Variants in CRADD observed in about 807,000 individuals in gnomAD.
The protein encoded by CRADD is CARD and death domain containing adaptor protein.
A neutral mutation model predicts 15.5 loss-of-function variants in CRADD; 9 were observed. The ratio of observed to expected loss-of-function variants is 0.58; its 90% confidence interval spans 0.35 to 1.01. CRADD has a LOEUF of 1.01. CRADD is among the 50% of genes least tolerant of loss of function. The probability of loss-of-function intolerance (pLI) is 0.02; values close to 1 mark genes in which losing one functional copy is unlikely to be tolerated. For missense variants in CRADD, 227 were observed against 250.3 expected (o/e 0.91, Z 0.63); for synonymous variants, 118 against 107.6 (o/e 1.10, Z -0.60).
At chr12:93,868,686 GCACACACA>G (rs570970896) in intron 2 of CRADD, among the ~76,000 whole-genome samples, 1 of 142,828 alleles carries the variant, frequency 7.0e-6, no homozygotes, top group Non-Finnish European at 1.6e-5. Context: ...TCTCTCTCTT[GCACACACA>G]CACACACACA....
chr12:93,818,383 C>T (rs1266765109), intron 2 of CRADD, among the ~76,000 whole-genome samples: 1 of 152,196 alleles, frequency 6.6e-6, no homozygotes, highest in African/African-American at 2.4e-5. Flanking sequence ...CTCCCTAGCC[C>T]CTTCCCAGGG....
chr12:93,817,353 C>T (rs987235460), intron 2 of CRADD, among the ~76,000 whole-genome samples: 2 of 152,250 alleles, frequency 1.3e-5, no homozygotes, highest in East Asian at 1.9e-4. Context: ...GGACAGGGAA[C>T]GTGGAGCTTA....
chr12:93,783,605 A>G (rs1203825921), intron 2 of CRADD, among the ~76,000 whole-genome samples: 1 of 152,160 alleles, frequency 6.6e-6, no homozygotes, highest in Admixed American at 6.5e-5. Context: ...AACTTTCTTC[A>G]TATTCAGAAA....
Position 93,820,480 on chromosome 12 carries a change from C to T in CRADD, c.299-29490C>T, listed in dbSNP as rs548257924. Among the ~76,000 whole-genome samples, 26 of 150,672 alleles carry T rather than the reference C, an allele frequency of 1.7e-4. No homozygotes were observed. The East Asian group carries it at 3.9e-3, about 23-fold the overall frequency. ...AGGAGAATGGCGTGAACTCAGAAGG[C>T]GGAGCTTGCAGTGAGCCGAGATCAT... On this transcript the variant is annotated intron_variant, in intron 2 of 2. Coordinates refer to ENST00000332896, the MANE Select transcript of CRADD (RefSeq NM_003805.5).
At chr12:93,787,128 A>ATTTTTTTTTTTTTTTTTTTTTTT (rs11315592) in intron 2 of CRADD, among the ~76,000 whole-genome samples, 7 of 107,734 alleles carry the variant, frequency 6.5e-5, no homozygotes, top group Non-Finnish European at 9.0e-5. Flanking sequence ...TCTGCTGAAG[A>ATTTTTTTTTTTTTTTTTTTTTTT]TTTTTTTTTT....
At chr12:93,838,517 C>A (rs1281133331) in intron 2 of CRADD, among the ~76,000 whole-genome samples, 1 of 150,460 alleles carries the variant, frequency 6.6e-6, no homozygotes, top group Non-Finnish European at 1.5e-5. Context: ...CTCACTCTCT[C>A]CCTCCCTCCT....
rs111954511 is a variant in CRADD, at chr12:93,877,965, C to T, written c.299-16085C>T. ...ACAACTGGTAATGTCCTGAGTCTCA[C>T]CTGAAGCCAGCCAGTCTCAGAGGCC... On this transcript the variant is annotated intron_variant, in intron 2 of 2. Coordinates refer to the CRADD transcript ENST00000548483. 1.2e-4 allele frequency among the ~76,000 whole-genome samples: 19 copies of T among 152,272 alleles called. 2 individuals are homozygous for T. Among genetic ancestry groups the T allele is most frequent in the African/African-American group, 4.6e-4 (19 of 41,552 alleles).
intron 2 of CRADD, among the ~76,000 whole-genome samples, chr12:93,892,546 G>A (rs1310699137): frequency 6.6e-6 from 1 of 151,800 alleles, no homozygotes; most frequent in Non-Finnish European, 1.5e-5. Context: ...TGTTTGGTTC[G>A]GAGTGTCACT....
chr12:93,877,454 G>A (rs1022906104), intron 2 of CRADD, among the ~76,000 whole-genome samples: 1 of 152,244 alleles, frequency 6.6e-6, no homozygotes, highest in Non-Finnish European at 1.5e-5. Context: ...GTCCAGAGGT[G>A]CTGTACAGGA....
At chr12:93,794,571 T>C (rs1957392258) in intron 2 of CRADD, among the ~76,000 whole-genome samples, 1 of 152,108 alleles carries the variant, frequency 6.6e-6, no homozygotes, top group South Asian at 2.1e-4. Flanking sequence ...TTTCCTCTCC[T>C]CTCCTGCTAC....
At chr12:93,811,739 C>T (rs186189703) in intron 2 of CRADD, among the ~76,000 whole-genome samples, 1 of 152,306 alleles carries the variant, frequency 6.6e-6, no homozygotes, top group Admixed American at 6.5e-5. Context: ...GTTTCTTATA[C>T]AACTAAACAT....
chr12:93,732,220 A>G (rs1956479465), intron 2 of CRADD, among the ~76,000 whole-genome samples: 1 of 152,158 alleles, frequency 6.6e-6, no homozygotes, highest in South Asian at 2.1e-4. Flanking sequence ...GACTTTGAAC[A>G]TTATCCTGAC....
At chr12:93,740,798 A>G (rs145727926) in intron 2 of CRADD, among the ~76,000 whole-genome samples, 1 of 152,322 alleles carries the variant, frequency 6.6e-6, no homozygotes, top group African/African-American at 2.4e-5. Flanking sequence ...ATAGAAATAA[A>G]ATGTCTATTT....
rs557582711 is a variant in CRADD at position 93,861,701 on chromosome 12, T to A, written c.299-32349T>A. Among the ~76,000 whole-genome samples the A allele has an allele frequency of 2.5e-3, 384 of 152,328 alleles. 2 individuals carry two copies. The highest frequency in any genetic ancestry group is 0.019 in the South Asian group (93 of 4,822). On this transcript the variant is annotated intron_variant, in intron 2 of 2. Coordinates refer to the CRADD transcript ENST00000548483. ...CTTCTTCCTTTCCACAGGCATTGAT[T>A]CCAAGAGTACCCCCTAATAAACTCC...
At chr12:93,876,345 G>T (rs752000945) in intron 2 of CRADD, among the ~76,000 whole-genome samples, 1 of 152,052 alleles carries the variant, frequency 6.6e-6, no homozygotes, top group Non-Finnish European at 1.5e-5. Context: ...TCTTGTACTT[G>T]AATGTTGATA....
At chr12:93,726,093 AG>A (rs1956359127) in intron 2 of CRADD, among the ~76,000 whole-genome samples, 1 of 97,726 alleles carries the variant, frequency 1.0e-5, no homozygotes, top group Non-Finnish European at 2.2e-5. Context: ...TAAATAGTTT[AG>A]TTTTTTTTTT....
In CRADD at chr12:93,827,614, C is replaced by T. The variant is rs550371815; in HGVS notation, c.299-22356C>T. ...GACTATATGGTAGATGTATGTTTAA[C>T]GTGTTAAGTGACTACCAAATCATTT... On this transcript the variant is annotated intron_variant, in intron 2 of 2. Coordinates refer to ENST00000332896, the MANE Select transcript of CRADD (RefSeq NM_003805.5). 7.2e-5 allele frequency among the ~76,000 whole-genome samples: 11 copies of T among 152,284 alleles called. 1 individual carries two copies. The highest frequency in any genetic ancestry group is 5.8e-4 in the East Asian group (3 of 5,190).
chr12:93,681,212 C>T (rs1270505387), intron 2 of CRADD, among the ~76,000 whole-genome samples: 1 of 152,040 alleles, frequency 6.6e-6, no homozygotes, highest in Non-Finnish European at 1.5e-5. Context: ...CAGATTCATT[C>T]AGAGAGTTAG....
intron 2 of CRADD, among the ~76,000 whole-genome samples, chr12:93,758,898 A>G (rs889075613): frequency 1.5e-4 from 23 of 152,188 alleles, no homozygotes; most frequent in Admixed American, 1.2e-3. Context: ...GACTGTTCAG[A>G]GCTAAATCTT....
Sources: gnomAD v4.1 joint callset for allele counts (sites outside exome capture counted in the v4.1 genomes callset) on GRCh38, gnomAD v4.1.1 for gene constraint, MANE v1.5 for transcripts, NCBI Gene and HGNC (gene_info 2026-07-23, HGNC 2026-07-21) for gene names.